The following TAF1 variants were observed in gnomAD, a reference collection of about 807,000 sequenced individuals.
The protein encoded by TAF1 is transcription initiation factor TFIID subunit 1.
Under a neutral mutation model 138.5 loss-of-function variants are expected in TAF1, and 2 were observed. The ratio of observed to expected loss-of-function variants is 0.01; its 90% CI spans 0.01 to 0.05. The LOEUF (loss-of-function observed/expected upper bound fraction) is 0.05, where lower values mean the gene tolerates loss of function less well. TAF1 is among the 10% of genes least tolerant of loss of function. TAF1 has a pLI of 1.00. For missense variants in TAF1, 709 were observed against 1,478.0 expected (o/e 0.48, Z 8.53); for synonymous variants, 437 against 503.2 (o/e 0.87, Z 1.76).
At chrX:71,412,427 C>T (rs769476499) in intron 28 of TAF1, among the ~76,000 whole-genome samples, 15 of 111,514 alleles carry the variant, frequency 1.3e-4, no homozygotes, top group Non-Finnish European at 2.4e-4. Context: ...TTGTGCCCAA[C>T]CTCATTTTTT....
At chrX:71,381,668 A>G in intron 8 of TAF1, 75 bp from the exon 9 acceptor site, 2 of 1,108,084 alleles carry the variant, frequency 1.8e-6, no homozygotes, top group Non-Finnish European at 2.5e-6. Context: ...AACTCTTTTT[A>G]TCTTTGCCAG....
intron 13 of TAF1, among the ~76,000 whole-genome samples, chrX:71,478,553 CAA>C (rs770305099): frequency 9.1e-5 from 10 of 110,430 alleles, no homozygotes; most frequent in Admixed American, 2.0e-4. Flanking sequence ...CAAACAAAAA[CAA>C]GAGAATCCTG....
At chrX:71,502,259 T>G (rs1435790114) in intron 13 of TAF1, among the ~76,000 whole-genome samples, 1 of 111,339 alleles carries the variant, frequency 9.0e-6, no homozygotes, top group Non-Finnish European at 1.9e-5. Flanking sequence ...GAGTGCTGAT[T>G]GGCGCATTTA....
At chrX:71,530,144 G>T in exon 15 of TAF1, 1 of 144,935 alleles carries the variant, frequency 6.9e-6, no homozygotes, top group Non-Finnish European at 1.5e-5. Context: ...GTTAGTGATG[G>T]TTGTTGTACT....
At chrX:71,439,439 G>A (rs1482637770) in intron 32 of TAF1, among the ~76,000 whole-genome samples, 1 of 111,012 alleles carries the variant, frequency 9.0e-6, no homozygotes, top group Admixed American at 9.7e-5. Flanking sequence ...ATTTCTGTCA[G>A]GTAGACCTTT....
At chrX:71,441,870 A>G (rs182011398) in intron 32 of TAF1, 136 of 135,257 alleles carry the variant, frequency 1.0e-3, no homozygotes, top group Middle Eastern at 7.2e-3. Context: ...CCTTGTGTCC[A>G]GGTGTTCTCA....
chrX:71,481,687 A>T (rs1011434860), intron 13 of TAF1, among the ~76,000 whole-genome samples: 1 of 111,401 alleles, frequency 9.0e-6, no homozygotes, highest in African/African-American at 3.3e-5. Flanking sequence ...CCTCCTGAGT[A>T]GCTGGGAATA....
At chrX:71,404,328 A>T (rs772717755) in intron 25 of TAF1, among the ~76,000 whole-genome samples, 1 of 110,480 alleles carries the variant, frequency 9.1e-6, no homozygotes, top group Non-Finnish European at 1.9e-5. Flanking sequence ...ATATACCTAG[A>T]GTCGGCCATT....
chrX:71,498,048 A>C (rs1292115918), intron 13 of TAF1, among the ~76,000 whole-genome samples: 3 of 111,874 alleles, frequency 2.7e-5, no homozygotes, highest in South Asian at 7.5e-4. Context: ...AGAGATCTAG[A>C]GTAGCCTGCT....
At chrX:71,523,387 A>G (rs1212039338) in intron 13 of TAF1, among the ~76,000 whole-genome samples, 1 of 110,973 alleles carries the variant, frequency 9.0e-6, no homozygotes, top group Non-Finnish European at 1.9e-5. Flanking sequence ...ACCTATGTCA[A>G]ATGACTATCT....
chrX:71,452,108 G>GCC (rs2038004867), intron 32 of TAF1, among the ~76,000 whole-genome samples: 1 of 86,123 alleles, frequency 1.2e-5, no homozygotes, highest in Non-Finnish European at 2.3e-5. Flanking sequence ...GCGGGGGGCT[G>GCC]ACCCCCCCCC....
At chrX:71,369,988 G>A (rs1156998925) in intron 3 of TAF1, among the ~76,000 whole-genome samples, 1 of 110,134 alleles carries the variant, frequency 9.1e-6, no homozygotes, top group Non-Finnish European at 1.9e-5. Context: ...ACTTTGGGGG[G>A]CCCAGGTGGG....
chrX:71,464,180 A>C lies in TAF1; in HGVS notation c.*134A>C. On this transcript the variant is annotated 3_prime_UTR_variant, in exon 38 of 38. Coordinates refer to ENST00000423759, the MANE Select transcript of TAF1 (RefSeq NM_004606.5). The stretch of plus-strand genomic sequence containing the variant: ...ATTAACTAACACCTTAGCCTTTTTA[A>C]AAGTAGTAAGTAAATGATAATAAAT... 3.6e-6 allele frequency: 2 copies of C among 559,942 alleles called. No homozygotes were observed. The highest frequency in any genetic ancestry group is 6.2e-5 in the South Asian group (2 of 32,198). 46.1% of individuals were successfully genotyped at this position (559,942 alleles called of 1,213,427 possible).
chrX:71,454,231 G>A lies in TAF1; in HGVS notation c.4815G>A (p.Leu1605=). ...TTGTGAACGTCTGTTACCAGACATT[G>A]ACTGAGGTAGGTGGTAAAGATGGAG... ...QEIVNVCYQT[L]TEYDEHLTQL... Residue 1605 remains leucine, a synonymous_variant, in exon 33 of 38, where the codon TTG becomes TTA. Transcript: ENST00000423759. The A allele has an allele frequency of 8.3e-7, 1 of 1,209,279 alleles. No individual in the cohort carries two copies. The highest frequency in any genetic ancestry group is 1.1e-6 in the Non-Finnish European group (1 of 893,540).
At chrX:71,503,882 C>T (rs115032281) in intron 13 of TAF1, among the ~76,000 whole-genome samples, 384 of 110,732 alleles carry the variant, frequency 3.5e-3, no homozygotes, top group African/African-American at 0.012. Context: ...TTCTTCTCCT[C>T]CTCCTCTTCA....
rs374395082 is a variant in TAF1 at position 71,425,975 on chromosome X, T to C, written c.4753+1737T>C. ...ACAGGACAGTATATCTAAATTAGAGTGGGGCTGGGTGCGGTAGCTCACACC... is the reference window on the plus strand; with the variant it reads ...ACAGGACAGTATATCTAAATTAGAGCGGGGCTGGGTGCGGTAGCTCACACC... On this transcript the variant is annotated intron_variant, in intron 32 of 37. Coordinates refer to ENST00000423759, the MANE Select transcript of TAF1 (RefSeq NM_004606.5). Among the ~76,000 whole-genome samples the C allele has an allele frequency of 5.5e-5, 6 of 109,371 alleles. No individual in the cohort carries two copies. The East Asian group carries it at 1.7e-3, about 32-fold the overall frequency. 95.0% of individuals were successfully genotyped at this position (109,371 alleles called of 115,157 possible).
At chrX:71,384,629 C>T (rs947508592) in intron 13 of TAF1, among the ~76,000 whole-genome samples, 2 of 110,755 alleles carry the variant, frequency 1.8e-5, no homozygotes, top group South Asian at 3.8e-4. Context: ...AGGATGGTCT[C>T]GATCTCTTAA....
chrX:71,454,361 C>T (rs1441662829), intron 33 of TAF1, 124 bp downstream of exon 33: 13 of 559,523 alleles, frequency 2.3e-5, no homozygotes, highest in Admixed American at 3.8e-5. Flanking sequence ...CCCAGCTACT[C>T]GTCTGAGGTA....
intron 32 of TAF1, among the ~76,000 whole-genome samples, chrX:71,449,389 G>C (rs906026189): frequency 1.8e-5 from 2 of 112,902 alleles, no homozygotes; most frequent in African/African-American, 6.4e-5. Context: ...CTCCCAAAAT[G>C]CTGGGATTAC....
Sources: gnomAD v4.1 joint callset for allele counts (sites outside exome capture counted in the v4.1 genomes callset) on GRCh38, gnomAD v4.1.1 for gene constraint, MANE v1.5 for transcripts, NCBI Gene and HGNC (gene_info 2026-07-23, HGNC 2026-07-21) for gene names.